Variants in SEMA6A observed in about 807,000 individuals in gnomAD.
SEMA6A encodes the protein semaphorin-6A.
A neutral mutation model predicts 96.8 loss-of-function variants in SEMA6A; 25 were observed. The observed-to-expected ratio is 0.26, with a 90% CI of 0.19 to 0.36. SEMA6A has a LOEUF of 0.36. SEMA6A is among the 10% of genes least tolerant of loss of function. The pLI, the probability that SEMA6A is intolerant of heterozygous loss-of-function variation, is 1.00. For missense variants in SEMA6A, 1,363 were observed against 1,323.1 expected, an observed-to-expected ratio of 1.03 and a Z score of -0.47; for synonymous variants, 612 against 518.0, an observed-to-expected ratio of 1.18 and a Z score of -2.46.
At position 116,445,025 on chromosome 5, in the gene SEMA6A, C is replaced by A. The variant is rs1197278860; in HGVS notation, c.*1588G>T. 1 of 152,714 alleles carries A rather than the reference C, an allele frequency of 6.5e-6. No individual in the cohort carries two copies. The highest frequency in any genetic ancestry group is 1.5e-5 in the Non-Finnish European group (1 of 68,070). The allele number at this position is 152,714 out of a possible 1,614,324, so 9.5% of individuals were successfully genotyped here. ...GGGATTTGACACACCCACAACAACA[C>A]TGGGGTCCATGCTTCGCAGCACAGC... is the stretch of plus-strand genomic sequence containing the variant. On this transcript the variant is annotated 3_prime_UTR_variant, in exon 19 of 19. Transcript: ENST00000343348.
intron 1 of SEMA6A, among the ~76,000 whole-genome samples, chr5:116,567,088 T>C (rs571626787): frequency 1.3e-5 from 2 of 152,346 alleles, no homozygotes; most frequent in Admixed American, 1.3e-4. Context: ...GTGATAGCTA[T>C]CATTTTTCAA....
chr5:116,505,851 A>T (rs909715997), intron 1 of SEMA6A, among the ~76,000 whole-genome samples: 5 of 147,246 alleles, frequency 3.4e-5, no homozygotes, highest in Admixed American at 7.0e-5. Context: ...AATAAAAACA[A>T]TCCCATGTGG....
At position 116,444,125 on chromosome 5, in the gene SEMA6A, C is replaced by G. The variant is rs1010150481; in HGVS notation, c.*2488G>C. 1 of 151,710 alleles carries G rather than the reference C, an allele frequency of 6.6e-6. No individual in the cohort carries two copies. Among genetic ancestry groups the G allele is most frequent in the African/African-American group, 2.4e-5 (1 of 41,240 alleles). 9.4% of individuals were successfully genotyped at this position (151,710 alleles called of 1,614,324 possible). A position where few individuals can be genotyped will look rare whatever the true frequency, so the allele number is the denominator to read the frequency against. Reference sequence around the variant, plus strand: ...CATCACCTTCCTAATTTCTGCATTTCTAGAGAAAATTCAAGGAAGAAAACA... The same window carrying G: ...CATCACCTTCCTAATTTCTGCATTTGTAGAGAAAATTCAAGGAAGAAAACA... On this transcript the variant is annotated 3_prime_UTR_variant, in exon 19 of 19. Coordinates refer to ENST00000343348, the MANE Select transcript of SEMA6A (RefSeq NM_020796.5).
intron 1 of SEMA6A, among the ~76,000 whole-genome samples, chr5:116,506,339 C>T (rs1758145500): frequency 6.6e-6 from 1 of 152,152 alleles, no homozygotes; most frequent in South Asian, 2.1e-4. Flanking sequence ...AAGAGGGAGA[C>T]AGATTGAGAG....
At chr5:116,501,281 TTA>T (rs1219487362) in intron 3 of SEMA6A, among the ~76,000 whole-genome samples, 1 of 152,200 alleles carries the variant, frequency 6.6e-6, no homozygotes, top group African/African-American at 2.4e-5. Context: ...AAGAGCAGAA[TTA>T]TAACAAAAGC....
intron 1 of SEMA6A, among the ~76,000 whole-genome samples, chr5:116,505,629 T>G (rs531210564): frequency 1.3e-5 from 2 of 152,322 alleles, no homozygotes; most frequent in East Asian, 3.9e-4. Context: ...AGGCAGATCC[T>G]TTCACACTCT....
chr5:116,453,064 G>A (rs1229926066), intron 18 of SEMA6A, among the ~76,000 whole-genome samples: 1 of 152,224 alleles, frequency 6.6e-6, no homozygotes, highest in African/African-American at 2.4e-5. Flanking sequence ...AAGATGCACA[G>A]GATCTTAGCT....
At chr5:116,496,372 A>T in intron 4 of SEMA6A, 59 bp from the exon 5 acceptor site, 2 of 1,469,136 alleles carry the variant, frequency 1.4e-6, no homozygotes, top group South Asian at 2.3e-5. Flanking sequence ...TTGATTTTAG[A>T]AGTAAGAGTT....
At chr5:116,492,634 T>C (rs1300408794) in intron 6 of SEMA6A, 1 of 152,242 alleles carries the variant, frequency 6.6e-6, no homozygotes, top group Non-Finnish European at 1.5e-5. Context: ...AGCTCTCCCC[T>C]AGATAATCTT....
At chr5:116,560,297 CTT>C (rs1404713416) in intron 1 of SEMA6A, among the ~76,000 whole-genome samples, 5 of 152,208 alleles carry the variant, frequency 3.3e-5, no homozygotes, top group Non-Finnish European at 5.9e-5. Flanking sequence ...ACTAGAAAGA[CTT>C]TTCACATCTC....
At chr5:116,480,393 A>G in intron 11 of SEMA6A, 116 bp from the exon 12 acceptor site, 4 of 1,254,882 alleles carry the variant, frequency 3.2e-6, no homozygotes, top group Non-Finnish European at 4.5e-6. Context: ...CTGCAGCCTG[A>G]GAGGAGGAAG....
intron 1 of SEMA6A, chr5:116,554,923 T>C (rs961258682): frequency 2.6e-5 from 4 of 152,216 alleles, no homozygotes; most frequent in Non-Finnish European, 4.4e-5. Context: ...TGCCAATTAG[T>C]GCCTATTTTG....
At chr5:116,564,704 A>T (rs1283311885) in intron 1 of SEMA6A, among the ~76,000 whole-genome samples, 2 of 145,944 alleles carry the variant, frequency 1.4e-5, no homozygotes, top group Admixed American at 7.0e-5. Context: ...TAAAGTCACA[A>T]ACCTAAAAAA....
intron 15 of SEMA6A, 110 bp from the exon 16 acceptor site, chr5:116,475,713 G>C: frequency 2.9e-6 from 2 of 698,052 alleles, no homozygotes; most frequent in South Asian, 2.2e-5. Flanking sequence ...AAATTGAGTG[G>C]CAGGTGCAAA....
intron 1 of SEMA6A, among the ~76,000 whole-genome samples, chr5:116,526,473 G>A (rs1759230546): frequency 6.6e-6 from 1 of 152,132 alleles, no homozygotes; most frequent in African/African-American, 2.4e-5. Flanking sequence ...TGTTTGATTG[G>A]TAAACAAACG....
chr5:116,540,265 A>C (rs1194976509), intron 1 of SEMA6A, among the ~76,000 whole-genome samples: 2 of 152,242 alleles, frequency 1.3e-5, no homozygotes, highest in Non-Finnish European at 2.9e-5. Context: ...AATCACTTCA[A>C]ATACCACTTT....
At chr5:116,481,242 C>T (rs1197556369) in intron 11 of SEMA6A, among the ~76,000 whole-genome samples, 1 of 152,110 alleles carries the variant, frequency 6.6e-6, no homozygotes, top group Non-Finnish European at 1.5e-5. Context: ...TCTTTACATA[C>T]CAAGGAGAGG....
At chr5:116,520,137 C>G (rs1033552238) in intron 1 of SEMA6A, among the ~76,000 whole-genome samples, 1 of 152,120 alleles carries the variant, frequency 6.6e-6, no homozygotes, top group African/African-American at 2.4e-5. Flanking sequence ...AATGCACAAG[C>G]TCTCATTCCT....
At chr5:116,549,314 C>G (rs924019059) in intron 1 of SEMA6A, among the ~76,000 whole-genome samples, 8 of 152,124 alleles carry the variant, frequency 5.3e-5, no homozygotes, top group African/African-American at 1.9e-4. Context: ...GAGAGCTCGG[C>G]ACTAGAACAG....
Sources: allele counts gnomAD v4.1 joint callset (sites outside exome capture counted in the v4.1 genomes callset), GRCh38; gene constraint gnomAD v4.1.1; transcripts MANE v1.5; gene names NCBI Gene and HGNC (gene_info 2026-07-23, HGNC 2026-07-21).